The following SPAG9 variants were observed in gnomAD, a reference collection of about 807,000 sequenced individuals.
SPAG9 encodes sperm associated antigen 9, also known as C-Jun-amino-terminal kinase-interacting protein 4.
A neutral mutation model predicts 166.5 loss-of-function variants in SPAG9; 35 were observed. That is an observed-to-expected ratio of 0.21 (90% CI 0.16 to 0.28). SPAG9 has a LOEUF of 0.28. SPAG9 is among the 10% of genes least tolerant of loss of function. SPAG9 has a pLI of 1.00. For synonymous variants in SPAG9, 534 were observed against 565.5 expected (o/e 0.94, Z 0.79); for missense variants, 1,235 against 1,603.3 (o/e 0.77, Z 3.92).
intron 15 of SPAG9, among the ~76,000 whole-genome samples, chr17:50,997,847 T>G (rs145275930): frequency 2.6e-3 from 403 of 152,148 alleles, no homozygotes; most frequent in Non-Finnish European, 4.0e-3. Context: ...AAAGGCTCAT[T>G]TACCTCTAAA....
chr17:51,081,030 C>G, intron 1 of SPAG9, among the ~76,000 whole-genome samples: 1 of 151,832 alleles, frequency 6.6e-6, no homozygotes. Flanking sequence ...AGCTTTGACT[C>G]TTCTGTTTCT....
At chr17:51,091,782 C>T (rs975169400) in intron 1 of SPAG9, among the ~76,000 whole-genome samples, 5 of 151,240 alleles carry the variant, frequency 3.3e-5, no homozygotes, top group Admixed American at 1.3e-4. Flanking sequence ...AAAGTGACTT[C>T]AGACAACTCT....
intron 1 of SPAG9, among the ~76,000 whole-genome samples, chr17:51,089,620 TTATATATATA>T (rs746370783): frequency 0.01 from 408 of 40,480 alleles, 6 homozygotes; most frequent in Non-Finnish European, 0.013. Flanking sequence ...ACACTTTATT[TTATATATATA>T]TATATATATA....
chr17:51,069,097 TA>T (rs1392950132), intron 2 of SPAG9, among the ~76,000 whole-genome samples: 11 of 152,044 alleles, frequency 7.2e-5, no homozygotes, highest in Middle Eastern at 3.2e-3. Context: ...TTAAACAGAC[TA>T]AAAGTAGCTT....
chr17:51,013,687 C>A (rs1266586035), intron 9 of SPAG9, among the ~76,000 whole-genome samples: 1 of 152,092 alleles, frequency 6.6e-6, no homozygotes, highest in Non-Finnish European at 1.5e-5. Flanking sequence ...GTCTAAGAGC[C>A]AAATGCAATA....
intron 1 of SPAG9, among the ~76,000 whole-genome samples, chr17:51,085,925 T>C (rs964566699): frequency 1.3e-5 from 2 of 152,014 alleles, no homozygotes; most frequent in African/African-American, 4.8e-5. Flanking sequence ...TGAGGTTGAT[T>C]TTGTAAAAAT....
In SPAG9 at chr17:51,120,013, G is replaced by A. The variant is rs1439397089; in HGVS notation, c.303+341C>T. ...TTGAACCGCCATCTGACTATCCCAC[G>A]GTGGTCGGAAACTTCCCTCAACAAG... On this transcript the variant is annotated intron_variant, in intron 1 of 29. Coordinates refer to ENST00000262013, the MANE Select transcript of SPAG9 (RefSeq NM_001130528.3). This position sits in a 1 kb window ranked among gnomAD's most constrained non-coding sequence, Gnocchi z 4.7. Among the ~76,000 whole-genome samples, 1 of 152,176 alleles carries A rather than the reference G, an allele frequency of 6.6e-6. No individual in the cohort carries two copies. Among genetic ancestry groups the A allele is most frequent in the Non-Finnish European group, 1.5e-5 (1 of 68,050 alleles).
chr17:50,967,747 G>C (rs1003362503), intron 29 of SPAG9, among the ~76,000 whole-genome samples: 2 of 152,050 alleles, frequency 1.3e-5, no homozygotes, highest in African/African-American at 4.8e-5. Flanking sequence ...TGGGACTTTA[G>C]AATCAATTTC....
chr17:51,097,907 C>T (rs978629152), intron 1 of SPAG9, among the ~76,000 whole-genome samples: 5 of 152,082 alleles, frequency 3.3e-5, no homozygotes, highest in East Asian at 1.9e-4. Context: ...ACTGCAACCT[C>T]GACCTTCAGG....
intron 1 of SPAG9, among the ~76,000 whole-genome samples, chr17:51,113,151 C>T (rs1291209298): frequency 1.3e-5 from 2 of 150,904 alleles, no homozygotes; most frequent in African/African-American, 2.4e-5. Context: ...GTTGGGAGTT[C>T]GAGACCAGCC....
At position 51,120,273 on chromosome 17, in the gene SPAG9, T is replaced by C. The variant is rs1188199685; in HGVS notation, c.303+81A>G. The stretch of plus-strand genomic sequence containing the variant: ...CCCTCCAGGAGGCCCGTCGCGCCTC[T>C]AGTCCCCGACCGGGCCGCGACCCCG... On this transcript the variant is annotated intron_variant, in intron 1 of 29. Transcript: ENST00000262013. This position sits in a 1 kb window ranked among gnomAD's most constrained non-coding sequence, Gnocchi z 4.7. 1.6e-5 allele frequency: 20 copies of C among 1,257,264 alleles called. 1 individual carries two copies. The highest frequency in any genetic ancestry group is 2.1e-5 in the Non-Finnish European group (20 of 962,994). The allele number at this position is 1,257,264 out of a possible 1,614,324, so 77.9% of individuals were successfully genotyped here. A position where few individuals can be genotyped will look rare whatever the true frequency, so the allele number is the denominator to read the frequency against.
chr17:51,109,202 C>T (rs746548208), intron 1 of SPAG9, among the ~76,000 whole-genome samples: 8 of 151,798 alleles, frequency 5.3e-5, no homozygotes, highest in Non-Finnish European at 7.4e-5. Context: ...ATTTTAATTC[C>T]GTTTTATATA....
At chr17:50,999,745 CATTT>C in intron 13 of SPAG9, 28 bp from the exon 14 acceptor site, 1 of 1,589,690 alleles carries the variant, frequency 6.3e-7, no homozygotes, top group Non-Finnish European at 8.6e-7. Context: ...AGAAAAGAAA[CATTT>C]ATCAGTGAGG....
At chr17:50,975,116 ATGCT>A in intron 27 of SPAG9, 169 bp from the exon 28 acceptor site, 1 of 578,204 alleles carries the variant, frequency 1.7e-6, no homozygotes. Context: ...GAGATACAGC[ATGCT>A]AGTTATTTTT....
intron 9 of SPAG9, among the ~76,000 whole-genome samples, chr17:51,009,816 G>A (rs554521884): frequency 5.3e-5 from 8 of 151,960 alleles, no homozygotes; most frequent in Non-Finnish European, 1.0e-4. Flanking sequence ...AAGCCTTTCC[G>A]AGATGGCAAA....
intron 19 of SPAG9, 107 bp from the exon 20 acceptor site, chr17:50,990,775 C>T: frequency 1.3e-6 from 1 of 790,648 alleles, no homozygotes; most frequent in South Asian, 1.7e-5. Context: ...GTGAGATGTA[C>T]AGGTAGTTGA....
Position 51,095,673 on chromosome 17 carries a change from TATATATATATAGTG to T in SPAG9, c.304-15983_304-15970del, listed in dbSNP as rs1173981017. 1.3e-3 allele frequency among the ~76,000 whole-genome samples: 171 copies of T among 127,558 alleles called. 1 individual carries two copies. Among genetic ancestry groups the T allele is most frequent in the African/African-American group, 6.4e-3 (141 of 21,952 alleles). The allele number at this position is 127,558 out of a possible 152,430, so 83.7% of individuals were successfully genotyped here. A position where few individuals can be genotyped will look rare whatever the true frequency, so the allele number is the denominator to read the frequency against. On this transcript the variant is annotated intron_variant, in intron 1 of 29. Coordinates refer to ENST00000262013, the MANE Select transcript of SPAG9 (RefSeq NM_001130528.3). ...CTCCAAAAAAAGAAAAAAATGTGTATATATATATATAGTGATATATATATAGTGATATATATAGT... is the reference window on the plus strand; with the variant it reads ...CTCCAAAAAAAGAAAAAAATGTGTATATATATATATAGTGATATATATAGT...
intron 28 of SPAG9, among the ~76,000 whole-genome samples, chr17:50,974,553 AC>A (rs1488279397): frequency 1.1e-4 from 17 of 152,240 alleles, no homozygotes; most frequent in Non-Finnish European, 1.2e-4. Flanking sequence ...AGAAAAATCA[AC>A]AAATTTATCT....
intron 1 of SPAG9, among the ~76,000 whole-genome samples, chr17:51,085,146 C>A (rs1039391879): frequency 6.6e-6 from 1 of 152,040 alleles, no homozygotes; most frequent in Non-Finnish European, 1.5e-5. Context: ...CCGCACCCAG[C>A]CCAGAAATTC....
Sources: allele counts gnomAD v4.1 joint callset (sites outside exome capture counted in the v4.1 genomes callset), GRCh38; gene constraint gnomAD v4.1.1; non-coding constraint Gnocchi (gnomAD v3.1); transcripts MANE v1.5; gene names NCBI Gene and HGNC (gene_info 2026-07-23, HGNC 2026-07-21).